LPAR3: variants seen among roughly 807,000 people sequenced by gnomAD.
LPAR3 encodes LPA receptor 3.
A neutral mutation model predicts 17.8 loss-of-function variants in LPAR3; 7 were observed. That is an observed-to-expected ratio of 0.39 (90% CI 0.22 to 0.74). The LOEUF (loss-of-function observed/expected upper bound fraction) is 0.74, where lower values mean the gene tolerates loss of function less well. Ranked by LOEUF, LPAR3 falls within the 30% of genes least tolerant of loss-of-function variation. The pLI, the probability that LPAR3 is intolerant of heterozygous loss-of-function variation, is 0.40. For synonymous variants in LPAR3, 179 were observed against 179.9 expected, an observed-to-expected ratio of 0.99 and a Z score of 0.04; for missense variants, 391 against 453.4, an observed-to-expected ratio of 0.86 and a Z score of 1.25.
At chr1:84,831,455 C>G (rs1282769788) in intron 2 of LPAR3, among the ~76,000 whole-genome samples, 2 of 151,982 alleles carry the variant, frequency 1.3e-5, no homozygotes, top group Non-Finnish European at 2.9e-5. Flanking sequence ...GACTCCATCT[C>G]TAAAAAAATA....
At chr1:84,846,404 T>C (rs1659595776) in intron 2 of LPAR3, among the ~76,000 whole-genome samples, 1 of 152,222 alleles carries the variant, frequency 6.6e-6, no homozygotes, top group Non-Finnish European at 1.5e-5. Flanking sequence ...CTGTGTCCAA[T>C]TCAGATTGGT....
chr1:84,848,641 C>G (rs1207013996), intron 2 of LPAR3, among the ~76,000 whole-genome samples: 1 of 152,178 alleles, frequency 6.6e-6, no homozygotes, highest in Non-Finnish European at 1.5e-5. Context: ...ATCTCTATGT[C>G]CTTCTGAGAG....
chr1:84,863,862 C>T (rs1659987998), intron 2 of LPAR3, among the ~76,000 whole-genome samples: 1 of 152,188 alleles, frequency 6.6e-6, no homozygotes, highest in East Asian at 1.9e-4. Flanking sequence ...TCCCCACCTT[C>T]TCCTCCACCT....
Position 84,870,398 on chromosome 1 carries a change from C to G in LPAR3, c.-18-4260G>C, listed in dbSNP as rs17116749. On this transcript the variant is annotated intron_variant, in intron 1 of 2. Coordinates refer to ENST00000370611, the MANE Select transcript of LPAR3 (RefSeq NM_012152.3). ...CCTATTATGCTCATATCTACAGGAT[C>G]AGTATTTGTTGAATGAATGAATGAA... 1.5e-3 allele frequency among the ~76,000 whole-genome samples: 230 copies of G among 152,344 alleles called. 1 individual carries two copies. Among genetic ancestry groups the G allele is most frequent in the East Asian group, 0.014 (74 of 5,190 alleles).
Position 84,865,602 on chromosome 1 carries a change from G to C in LPAR3, c.519C>G (p.Ile173Met), listed in dbSNP as rs770469515. 1.2e-6 allele frequency: 2 copies of C among 1,614,106 alleles called. No homozygotes were observed. The highest frequency in any genetic ancestry group is 2.7e-5 in the African/African-American group (2 of 74,928). The change falls in exon 2 of 3, where the codon ATC (isoleucine) becomes ATG (methionine). Residue 173 changes from isoleucine to methionine, a missense_variant. Coordinates refer to ENST00000370611, the MANE Select transcript of LPAR3 (RefSeq NM_012152.3). Reference protein sequence around the residue: ...PTLGWNCLCNISACSSLAPIY... With the variant: ...PTLGWNCLCNMSACSSLAPIY... ...TGGGGGCCAGGGAAGAGCAGGCAGAGATGTTGCAGAGGCAATTCCAGCCCA... is the reference window on the plus strand; with the variant it reads ...TGGGGGCCAGGGAAGAGCAGGCAGACATGTTGCAGAGGCAATTCCAGCCCA...
intron 2 of LPAR3, among the ~76,000 whole-genome samples, chr1:84,851,678 T>C (rs1299487762): frequency 1.3e-5 from 2 of 152,156 alleles, no homozygotes; most frequent in Non-Finnish European, 2.9e-5. Context: ...GAGTTTGCCA[T>C]GCTACAGAAA....
chr1:84,853,206 G>T (rs967958677), intron 2 of LPAR3, among the ~76,000 whole-genome samples: 1 of 151,940 alleles, frequency 6.6e-6, no homozygotes, highest in South Asian at 2.1e-4. Flanking sequence ...TTACATTTTT[G>T]AACGATCAAG....
chr1:84,867,492 C>T (rs1660074278), intron 1 of LPAR3, among the ~76,000 whole-genome samples: 1 of 152,046 alleles, frequency 6.6e-6, no homozygotes, highest in African/African-American at 2.4e-5. Flanking sequence ...CAACCAGAAT[C>T]AAGAAGACCA....
chr1:84,818,812 A>C (rs996760319), intron 2 of LPAR3, among the ~76,000 whole-genome samples: 2 of 152,068 alleles, frequency 1.3e-5, no homozygotes, highest in South Asian at 4.1e-4. Flanking sequence ...TAGACATCAT[A>C]TTGTTTAGAT....
At chr1:84,864,256 C>T (rs1659998646) in intron 2 of LPAR3, among the ~76,000 whole-genome samples, 1 of 151,882 alleles carries the variant, frequency 6.6e-6, no homozygotes, top group Non-Finnish European at 1.5e-5. Flanking sequence ...CTGACCATCA[C>T]CTTCAACTAC....
At chr1:84,853,409 G>T (rs141481522) in intron 2 of LPAR3, among the ~76,000 whole-genome samples, 1 of 152,172 alleles carries the variant, frequency 6.6e-6, no homozygotes, top group Non-Finnish European at 1.5e-5. Context: ...GTCAGCTGGG[G>T]AATGAGACAG....
In LPAR3 at chr1:84,832,250, T is replaced by C. The variant is rs118012263; in HGVS notation, c.737-18079A>G. ...AGGCCCCCTCCCCATCTAGGAACAC[T>C]GATATAAAATTCTAATGTGCATTTT... On this transcript the variant is annotated intron_variant, in intron 2 of 2. Coordinates refer to ENST00000370611, the MANE Select transcript of LPAR3 (RefSeq NM_012152.3). 4.7e-4 allele frequency among the ~76,000 whole-genome samples: 72 copies of C among 152,284 alleles called. 1 individual carries two copies. The East Asian group carries it at 0.011, about 23-fold the overall frequency.
At chr1:84,872,964 A>AT (rs1278764055) in intron 1 of LPAR3, among the ~76,000 whole-genome samples, 1 of 152,180 alleles carries the variant, frequency 6.6e-6, no homozygotes, top group Non-Finnish European at 1.5e-5. Context: ...CCAAAAACCC[A>AT]TAACCCCAGG....
At chr1:84,858,270 C>T (rs1248153774) in intron 2 of LPAR3, among the ~76,000 whole-genome samples, 5 of 151,930 alleles carry the variant, frequency 3.3e-5, no homozygotes, top group Non-Finnish European at 7.4e-5. Flanking sequence ...TCACTTGAGG[C>T]CAGGAGTTTC....
intron 2 of LPAR3, among the ~76,000 whole-genome samples, chr1:84,828,746 G>A (rs1570863105): frequency 6.6e-6 from 1 of 151,952 alleles, no homozygotes; most frequent in Admixed American, 6.6e-5. Context: ...CAGGAATTCT[G>A]CTTCTTGCAG....
At chr1:84,821,982 G>A (rs896759875) in intron 2 of LPAR3, among the ~76,000 whole-genome samples, 2 of 152,162 alleles carry the variant, frequency 1.3e-5, no homozygotes, top group Non-Finnish European at 2.9e-5. Context: ...GCAGCCAGGA[G>A]CATGGGTCAG....
intron 1 of LPAR3, among the ~76,000 whole-genome samples, chr1:84,884,072 T>C (rs768271817): frequency 3.9e-5 from 6 of 152,250 alleles, no homozygotes; most frequent in Non-Finnish European, 7.3e-5. Context: ...CCCTTTCTTA[T>C]TTGGAAATGT....
At chr1:84,815,353 T>G (rs772498936) in intron 2 of LPAR3, among the ~76,000 whole-genome samples, 1 of 152,146 alleles carries the variant, frequency 6.6e-6, no homozygotes, top group African/African-American at 2.4e-5. Flanking sequence ...GCTAACAATG[T>G]GCCAGGAGCT....
Position 84,831,705 on chromosome 1 carries a change from A to C in LPAR3, c.737-17534T>G, listed in dbSNP as rs192917291. ...TATATCTGATGTATCCAAATGTGGA[A>C]ACCCATGGCCTGTAAGAAGAGCCTC... is the stretch of plus-strand genomic sequence containing the variant. On this transcript the variant is annotated intron_variant, in intron 2 of 2. Coordinates refer to ENST00000370611, the MANE Select transcript of LPAR3 (RefSeq NM_012152.3). 2.1e-3 allele frequency among the ~76,000 whole-genome samples: 326 copies of C among 151,704 alleles called. 1 individual carries two copies. The highest frequency in any genetic ancestry group is 6.9e-3 in the African/African-American group (284 of 41,454).
Sources: gnomAD v4.1 joint callset for allele counts (sites outside exome capture counted in the v4.1 genomes callset) on GRCh38, gnomAD v4.1.1 for gene constraint, MANE v1.5 for transcripts, NCBI Gene and HGNC (gene_info 2026-07-23, HGNC 2026-07-21) for gene names.